The following KIF20B variants were observed in gnomAD, a reference collection of about 807,000 sequenced individuals.
KIF20B encodes the protein kinesin-like protein KIF20B.
Under a neutral mutation model 232.5 loss-of-function variants are expected in KIF20B, and 188 were observed. The ratio of observed to expected loss-of-function variants is 0.81; its 90% confidence interval spans 0.72 to 0.91. The LOEUF (loss-of-function observed/expected upper bound fraction) is 0.91, where lower values mean the gene tolerates loss of function less well. KIF20B is among the 40% of genes least tolerant of loss of function. KIF20B has a pLI of 0.00. For synonymous variants in KIF20B, 712 were observed against 683.0 expected, an observed-to-expected ratio of 1.04 and a Z score of -0.66; for missense variants, 2,154 against 2,055.9, an observed-to-expected ratio of 1.05 and a Z score of -0.92.
Position 89,709,325 on chromosome 10 carries a change from A to G in KIF20B, c.235-20A>G. On this transcript the variant is annotated intron_variant, in intron 3 of 32. Transcript: ENST00000371728. ...AATGGCAAAATACTAGTTTTTATTT[A>G]TTGGGGGTATGTTTTCTAGGGCTGT... 3 of 1,597,012 alleles carry G rather than the reference A, an allele frequency of 1.9e-6. No homozygotes were observed. Among genetic ancestry groups the G allele is most frequent in the Non-Finnish European group, 2.6e-6 (3 of 1,168,324 alleles).
chr10:89,736,925 A>T (rs1300985679), intron 19 of KIF20B, among the ~76,000 whole-genome samples: 1 of 152,084 alleles, frequency 6.6e-6, no homozygotes, highest in Non-Finnish European at 1.5e-5. Context: ...AAAATTTAAG[A>T]TACTCCATTT....
chr10:89,719,369 G>A, intron 12 of KIF20B, 50 bp from the exon 13 acceptor site: 1 of 1,256,080 alleles, frequency 8.0e-7, no homozygotes, highest in Non-Finnish European at 1.1e-6. Context: ...TTTTCTAGTG[G>A]ACAGTTCTTG....
In KIF20B at chr10:89,733,034, A is replaced by G. The variant is rs1843362672; in HGVS notation, c.2523A>G (p.Gln841=). 2 of 1,613,768 alleles carry G rather than the reference A, an allele frequency of 1.2e-6. No individual in the cohort carries two copies. The highest frequency in any genetic ancestry group is 2.2e-5 in the East Asian group (1 of 44,786). ...RKRVNENELQ[Q]DEPPAKKGSI... ...GAGTAAATGAAAATGAACTTCAGCA[A>G]GATGAACCACCAGCAAAGAAAGGTA... Residue 841 remains glutamine (Q), a synonymous_variant, in exon 19 of 33, where the codon CAA becomes CAG. Coordinates refer to ENST00000371728, the MANE Select transcript of KIF20B (RefSeq NM_001284259.2).
In KIF20B at chr10:89,737,436, A is replaced by G. The variant is rs1841681681; in HGVS notation, c.2595A>G (p.Glu865=). ...TCACTGAAGACCAAAAGAAAAGTGA[A>G]GAAGTGCGACCGAACATTGCAGAAA... is the stretch of plus-strand genomic sequence containing the variant. The part of the protein sequence containing the change: ...SAITEDQKKS[E]EVRPNIAEIE... Residue 865 remains glutamate, a synonymous_variant, in exon 20 of 33, where the codon GAA becomes GAG. Transcript: ENST00000371728. 5 of 1,597,704 alleles carry G rather than the reference A, an allele frequency of 3.1e-6. No homozygotes were observed. The highest frequency in any genetic ancestry group is 1.7e-4 in the Middle Eastern group (1 of 5,968).
Position 89,754,565 on chromosome 10 carries a change from A to T in KIF20B, c.4395A>T (p.Glu1465Asp), listed in dbSNP as rs2133155751. Residue 1465 changes from glutamate to aspartate, a missense_variant, in exon 26 of 33, where the codon GAA becomes GAT. Glu to Asp is a conservative substitution (Grantham distance 45, BLOSUM62 2). Transcript: ENST00000371728. ...YNADRKKWLE[E>D]KMMLITQAKE... Reference sequence around the variant, plus strand: ...CTGATAGAAAGAAATGGTTAGAAGAAAAAATGATGCTTATCACTCAAGCGA... The same window carrying T: ...CTGATAGAAAGAAATGGTTAGAAGATAAAATGATGCTTATCACTCAAGCGA... 2 of 1,605,312 alleles carry T rather than the reference A, an allele frequency of 1.2e-6. No homozygotes were observed. Among genetic ancestry groups the T allele is most frequent in the East Asian group, 4.5e-5 (2 of 44,602 alleles).
chr10:89,724,134 A>T, intron 14 of KIF20B, 31 bp downstream of exon 14: 1 of 1,438,266 alleles, frequency 7.0e-7, no homozygotes, highest in Non-Finnish European at 9.1e-7. Flanking sequence ...CCAGGTAAAA[A>T]TTGAGAATTT....
intron 19 of KIF20B, among the ~76,000 whole-genome samples, chr10:89,736,718 TAAATC>T (rs1841662028): frequency 6.6e-6 from 1 of 152,156 alleles, no homozygotes; most frequent in Non-Finnish European, 1.5e-5. Flanking sequence ...TATTAATAGT[TAAATC>T]TATCCAATGC....
rs187127378 is a variant in KIF20B at position 89,718,857 on chromosome 10, C to G, written c.1419C>G (p.Ser473=). 1 of 1,542,904 alleles carries G rather than the reference C, an allele frequency of 6.5e-7. No individual in the cohort carries two copies. Among genetic ancestry groups the G allele is most frequent in the African/African-American group, 1.4e-5 (1 of 71,428 alleles). Residue 473 remains serine, a synonymous_variant, in exon 12 of 33, where the codon TCC becomes TCG. Coordinates refer to ENST00000371728, the MANE Select transcript of KIF20B (RefSeq NM_001284259.2). ...YDETLNVLKF[S]AIAQKVCVPD... is the part of the protein sequence containing the mutation. Reference sequence around the variant, plus strand: ...AAACACTCAATGTATTGAAGTTCTCCGCCATTGCACAAAAAGTAAATATTT... The same window carrying G: ...AAACACTCAATGTATTGAAGTTCTCGGCCATTGCACAAAAAGTAAATATTT...
chr10:89,709,662 C>A (rs10881630), intron 4 of KIF20B, among the ~76,000 whole-genome samples: 46,920 of 150,956 alleles, frequency 0.31, 8,251 homozygotes, highest in African/African-American at 0.47. Context: ...GTTATTATTA[C>A]TATATTTTTA....
rs142890695 is a variant in KIF20B at position 89,738,125 on chromosome 10, A to T, written c.3284A>T (p.Tyr1095Phe). The change falls in exon 20 of 33, where the codon TAT becomes TTT. Residue 1095 changes from tyrosine to phenylalanine, a missense_variant. Transcript: ENST00000371728. Reference protein sequence around the residue: ...IEKLQAEVKGYKDENNRLKEK... With the variant: ...IEKLQAEVKGFKDENNRLKEK... ...AAATTGCAGGCAGAAGTAAAAGGCT[A>T]TAAGGATGAAAACAATAGACTAAAG... The T allele has an allele frequency of 6.2e-7, 1 of 1,605,830 alleles. No homozygotes were observed. The highest frequency in any genetic ancestry group is 8.5e-7 in the Non-Finnish European group (1 of 1,178,752).
intron 29 of KIF20B, among the ~76,000 whole-genome samples, chr10:89,766,879 T>G (rs1010422851): frequency 4.6e-5 from 7 of 152,016 alleles, no homozygotes; most frequent in African/African-American, 1.7e-4. Flanking sequence ...AAAATAACAT[T>G]AAAACACTGA....
At chr10:89,702,113 TTGTTGAGGAACAG>T (rs1201519680) in intron 1 of KIF20B, among the ~76,000 whole-genome samples, 3 of 152,330 alleles carry the variant, frequency 2.0e-5, no homozygotes, top group African/African-American at 7.2e-5. Flanking sequence ...GCTTCTGTTG[TTGTTGAGGAACAG>T]GCCTGTTTTG....
Position 89,774,852 on chromosome 10 carries a change from A to G in KIF20B, c.*804A>G, listed in dbSNP as rs966858705. On this transcript the variant is annotated 3_prime_UTR_variant, in exon 33 of 33. Coordinates refer to ENST00000371728, the MANE Select transcript of KIF20B (RefSeq NM_001284259.2). ...GCAACCGTCAGTACCCTTACCAGCCACTGGTAACCATTCTTCTACTCTGTA... is the reference window on the plus strand; with the variant it reads ...GCAACCGTCAGTACCCTTACCAGCCGCTGGTAACCATTCTTCTACTCTGTA... 6.6e-6 allele frequency: 1 copy of G among 152,050 alleles called. No individual in the cohort carries two copies. Among genetic ancestry groups the G allele is most frequent in the African/African-American group, 2.4e-5 (1 of 41,526 alleles). 9.4% of individuals were successfully genotyped at this position (152,050 alleles called of 1,614,324 possible). A position where few individuals can be genotyped will look rare whatever the true frequency, so the allele number is the denominator to read the frequency against.
Position 89,709,355 on chromosome 10 carries a change from A to C in KIF20B, c.245A>C (p.His82Pro), listed in dbSNP as rs369439648. ...EKELESEGCV[H>P]ILDSQTVVLK... ...GGGTATGTTTTCTAGGGCTGTGTGC[A>C]TATTCTGGATTCACAGACTGTTGTG... Residue 82 changes from histidine (H) to proline (P), a missense_variant, in exon 4 of 33, where the codon CAT (histidine) becomes CCT (proline). Coordinates refer to ENST00000371728, the MANE Select transcript of KIF20B (RefSeq NM_001284259.2). 6.2e-7 allele frequency: 1 copy of C among 1,612,800 alleles called. No homozygotes were observed. Among genetic ancestry groups the C allele is most frequent in the Admixed American group, 1.7e-5 (1 of 59,964 alleles).
At chr10:89,754,729 T>C in intron 26 of KIF20B, 56 bp downstream of exon 26, 2 of 1,296,152 alleles carry the variant, frequency 1.5e-6, no homozygotes, top group Non-Finnish European at 2.0e-6. Flanking sequence ...GTGTGTTAAA[T>C]GTATTGCTGG....
At chr10:89,720,472 A>G (rs988394416) in intron 13 of KIF20B, among the ~76,000 whole-genome samples, 2 of 152,102 alleles carry the variant, frequency 1.3e-5, no homozygotes, top group Admixed American at 6.5e-5. Context: ...GCAAAACCAT[A>G]TTATCTGTGG....
In KIF20B at chr10:89,718,586, A is replaced by G. The variant is rs1842983827; in HGVS notation, c.1272-124A>G. The G allele has an allele frequency of 1.1e-5, 8 of 714,318 alleles. 1 individual carries two copies. Among genetic ancestry groups the G allele is most frequent in the South Asian group, 1.0e-4 (6 of 59,242 alleles). The allele number at this position is 714,318 out of a possible 1,614,324, so 44.2% of individuals were successfully genotyped here. On this transcript the variant is annotated intron_variant, in intron 11 of 32. Coordinates refer to ENST00000371728, the MANE Select transcript of KIF20B (RefSeq NM_001284259.2). ...AGAAGGACTATTACATCTGAAACTA[A>G]TCACTACCCTAAAGTTTAATTTCAT...
In KIF20B at chr10:89,724,328, A is replaced by G. The variant is rs556817414; in HGVS notation, c.1862+225A>G. ...GATCACTGAAGGTCAGGAGGTCGAG[A>G]TCAGCCTGGCCAACATGGTGAAACC... On this transcript the variant is annotated intron_variant, in intron 14 of 32. Coordinates refer to ENST00000371728, the MANE Select transcript of KIF20B (RefSeq NM_001284259.2). Among the ~76,000 whole-genome samples the G allele has an allele frequency of 6.6e-5, 10 of 152,238 alleles. No individual in the cohort carries two copies. In the South Asian group the frequency reaches 2.1e-3, roughly 32 times the overall value.
chr10:89,763,370 A>G (rs939943988), intron 29 of KIF20B, among the ~76,000 whole-genome samples: 2 of 152,238 alleles, frequency 1.3e-5, no homozygotes, highest in South Asian at 2.1e-4. Context: ...CAGTTAAACT[A>G]TAATACATCA....
Sources: allele counts gnomAD v4.1 joint callset (sites outside exome capture counted in the v4.1 genomes callset), GRCh38; gene constraint gnomAD v4.1.1; transcripts MANE v1.5; gene names NCBI Gene and HGNC (gene_info 2026-07-23, HGNC 2026-07-21).